The following DCC variants were observed in gnomAD, a reference collection of about 807,000 sequenced individuals.
DCC encodes DCC netrin 1 receptor.
A neutral mutation model predicts 172.5 loss-of-function variants in DCC; 58 were observed. That is an observed-to-expected ratio of 0.34 (90% CI 0.27 to 0.42). The LOEUF (loss-of-function observed/expected upper bound fraction) is 0.42. DCC is among the 10% of genes least tolerant of loss of function. DCC has a pLI of 1.00. For missense variants in DCC, 1,740 were observed against 1,791.0 expected, an observed-to-expected ratio of 0.97 and a Z score of 0.51; for synonymous variants, 709 against 644.5, an observed-to-expected ratio of 1.10 and a Z score of -1.52.
chr18:53,208,851 C>T (rs1300268509), intron 11 of DCC, among the ~76,000 whole-genome samples: 1 of 152,180 alleles, frequency 6.6e-6, no homozygotes, highest in African/African-American at 2.4e-5. Context: ...TGCCCCCAGC[C>T]TCCTGAGTAC....
intron 1 of DCC, among the ~76,000 whole-genome samples, chr18:52,368,862 A>G (rs59293722): frequency 6.6e-6 from 1 of 152,280 alleles, no homozygotes; most frequent in Non-Finnish European, 1.5e-5. Flanking sequence ...GCTTATGTCC[A>G]AGGGAGGGCT....
intron 7 of DCC, among the ~76,000 whole-genome samples, chr18:53,069,076 G>T (rs2042616653): frequency 6.6e-6 from 1 of 152,084 alleles, no homozygotes; most frequent in Non-Finnish European, 1.5e-5. Context: ...GGGAGAAGTG[G>T]TTTTGAAGGG....
intron 7 of DCC, among the ~76,000 whole-genome samples, chr18:53,089,147 G>T (rs552922239): frequency 2.0e-5 from 3 of 152,208 alleles, no homozygotes; most frequent in African/African-American, 7.2e-5. Flanking sequence ...GTGCAGTGGT[G>T]TGATCTCTGC....
intron 5 of DCC, among the ~76,000 whole-genome samples, chr18:53,049,851 A>G (rs7506784): frequency 6.6e-6 from 1 of 151,866 alleles, no homozygotes; most frequent in Non-Finnish European, 1.5e-5. Context: ...AAAGGGAGTT[A>G]ATTAAAAATA....
At chr18:52,885,565 G>A (rs565652932) in intron 2 of DCC, among the ~76,000 whole-genome samples, 13 of 152,210 alleles carry the variant, frequency 8.5e-5, no homozygotes, top group South Asian at 4.2e-4. Context: ...GTGGGTTCCC[G>A]TCTGGACAAT....
intron 1 of DCC, among the ~76,000 whole-genome samples, chr18:52,458,138 G>T (rs1450087428): frequency 2.0e-5 from 3 of 152,048 alleles, no homozygotes; most frequent in Admixed American, 2.0e-4. Context: ...ACCAAACCTT[G>T]GTCAAACCTC....
chr18:53,223,947 C>A (rs1315358072), intron 12 of DCC, among the ~76,000 whole-genome samples: 3 of 152,132 alleles, frequency 2.0e-5, no homozygotes, highest in Admixed American at 2.0e-4. Flanking sequence ...AGCAGAATTT[C>A]ATTTATTGCT....
chr18:52,845,162 C>A (rs1401050940), intron 2 of DCC, among the ~76,000 whole-genome samples: 3 of 152,124 alleles, frequency 2.0e-5, no homozygotes, highest in African/African-American at 7.2e-5. Context: ...AAAAGCAGCC[C>A]TTAGGAGAGA....
chr18:52,902,361 A>G (rs2039822349), intron 2 of DCC, among the ~76,000 whole-genome samples: 1 of 152,194 alleles, frequency 6.6e-6, no homozygotes, highest in South Asian at 2.1e-4. Context: ...TCGAGTGAGG[A>G]AAACAGAGAG....
chr18:53,136,220 TAC>T (rs752342385), intron 7 of DCC, among the ~76,000 whole-genome samples: 72 of 150,986 alleles, frequency 4.8e-4, no homozygotes, highest in Admixed American at 7.9e-4. Context: ...TATATATATA[TAC>T]ACACACACAC....
intron 12 of DCC, among the ~76,000 whole-genome samples, chr18:53,240,026 T>TAAAAA (rs68158437): frequency 1.0e-4 from 7 of 69,012 alleles, no homozygotes; most frequent in East Asian, 1.0e-3. Context: ...GTTCTAGAGT[T>TAAAAA]AAAAAAAAAA....
At chr18:52,631,010 C>T (rs951966328) in intron 1 of DCC, among the ~76,000 whole-genome samples, 1 of 152,312 alleles carries the variant, frequency 6.6e-6, no homozygotes, top group East Asian at 1.9e-4. Context: ...GGAATAGACT[C>T]TCACAGCAAA....
intron 5 of DCC, among the ~76,000 whole-genome samples, chr18:52,995,964 A>G (rs566616806): frequency 1.2e-4 from 18 of 151,182 alleles, no homozygotes; most frequent in African/African-American, 3.6e-4. Context: ...CTATTTTTCA[A>G]TAGTTATTGC....
At chr18:52,913,478 C>A (rs953384652) in intron 3 of DCC, among the ~76,000 whole-genome samples, 1 of 151,948 alleles carries the variant, frequency 6.6e-6, no homozygotes, top group Non-Finnish European at 1.5e-5. Context: ...TAGTGATCTC[C>A]CCCTCAGCAA....
In DCC at chr18:52,434,616, C is replaced by A. The variant is rs576052769; in HGVS notation, c.91+93738C>A. On this transcript the variant is annotated intron_variant, in intron 1 of 28. Coordinates refer to ENST00000442544, the MANE Select transcript of DCC (RefSeq NM_005215.4). ...TGCTTATGTGTCAATGCTAATAAAC[C>A]AGCAGTTTTTAATTTTTCTTTTTTT... is the stretch of plus-strand genomic sequence containing the variant. 3.3e-5 allele frequency among the ~76,000 whole-genome samples: 5 copies of A among 151,858 alleles called. 1 individual carries two copies. The South Asian group carries it at 8.3e-4, about 25-fold the overall frequency.
intron 7 of DCC, among the ~76,000 whole-genome samples, chr18:53,077,832 C>A (rs188810554): frequency 9.0e-4 from 137 of 152,224 alleles, no homozygotes; most frequent in Non-Finnish European, 1.7e-3. Context: ...TCTAATCAGA[C>A]TAGTTTTAGA....
intron 7 of DCC, among the ~76,000 whole-genome samples, chr18:53,076,754 A>G (rs990196328): frequency 2.0e-5 from 3 of 152,192 alleles, no homozygotes; most frequent in Middle Eastern, 3.2e-3. Context: ...AAGAGAAGTC[A>G]TCCAAGTAAA....
At chr18:52,924,544 C>G (rs1459824832) in intron 4 of DCC, among the ~76,000 whole-genome samples, 1 of 152,008 alleles carries the variant, frequency 6.6e-6, no homozygotes, top group African/African-American at 2.4e-5. Context: ...AAAATAAACT[C>G]TCAATAGAAT....
At chr18:52,925,186 A>T in intron 4 of DCC, 48 bp from the exon 5 acceptor site, 2 of 1,578,224 alleles carry the variant, frequency 1.3e-6, no homozygotes, top group Non-Finnish European at 1.7e-6. Flanking sequence ...TATCTTGCTT[A>T]ATATATACAT....
Sources: allele counts gnomAD v4.1 joint callset (sites outside exome capture counted in the v4.1 genomes callset), GRCh38; gene constraint gnomAD v4.1.1; transcripts MANE v1.5; gene names NCBI Gene and HGNC (gene_info 2026-07-23, HGNC 2026-07-21).